Variants in RAD54L2 observed in about 807,000 individuals in gnomAD.
The protein encoded by RAD54L2 is RAD54 like 2.
A neutral mutation model predicts 138.4 loss-of-function variants in RAD54L2; 27 were observed. That is an observed-to-expected ratio of 0.20 (90% confidence interval 0.14 to 0.27). The LOEUF is 0.27. RAD54L2 is among the 10% of genes least tolerant of loss of function. RAD54L2 has a pLI of 1.00. For synonymous variants in RAD54L2, 644 were observed against 723.2 expected (o/e 0.89, Z 1.76); for missense variants, 1,396 against 1,890.2 (o/e 0.74, Z 4.85).
intron 2 of RAD54L2, among the ~76,000 whole-genome samples, chr3:51,551,841 CTCCTGG>C (rs1698846617): frequency 6.6e-6 from 1 of 150,904 alleles, no homozygotes. Flanking sequence ...CAACCTCCAT[CTCCTGG>C]GTTCAGACGA....
intron 19 of RAD54L2, among the ~76,000 whole-genome samples, chr3:51,653,496 G>T (rs1701505838): frequency 6.6e-6 from 1 of 152,148 alleles, no homozygotes; most frequent in Non-Finnish European, 1.5e-5. Context: ...GTTTATTGCG[G>T]CACTATTCAC....
intron 19 of RAD54L2, among the ~76,000 whole-genome samples, chr3:51,647,972 C>T (rs150822141): frequency 0.02 from 3,114 of 152,214 alleles, 36 homozygotes; most frequent in Middle Eastern, 0.048. Context: ...CCACAGAGGG[C>T]GAGCCGAAGC....
chr3:51,616,827 CAAAA>C (rs1203515814), intron 3 of RAD54L2, among the ~76,000 whole-genome samples: 3 of 151,538 alleles, frequency 2.0e-5, no homozygotes, highest in Non-Finnish European at 2.9e-5. Context: ...GACTCTGTCT[CAAAA>C]GAAAAGAAAA....
At position 51,554,108 on chromosome 3, in the gene RAD54L2, G is replaced by A. The variant is rs563808238; in HGVS notation, c.-55+12458G>A. ...AGACAACAGTGAAATTTGCTGCATC[G>A]ATCAACTTTTCCTATCACAAAAGAG... On this transcript the variant is annotated intron_variant, in intron 2 of 22. Transcript: ENST00000684192. 3.1e-4 allele frequency among the ~76,000 whole-genome samples: 47 copies of A among 152,190 alleles called. No individual in the cohort carries two copies. The East Asian group carries it at 4.2e-3, about 14-fold the overall frequency.
chr3:51,580,391 G>T (rs780057662), intron 2 of RAD54L2, among the ~76,000 whole-genome samples: 6 of 152,174 alleles, frequency 3.9e-5, no homozygotes, highest in Admixed American at 6.5e-5. Context: ...CTCCAACCTG[G>T]AAGTGCTCTA....
At chr3:51,556,012 C>T (rs923536907) in intron 2 of RAD54L2, among the ~76,000 whole-genome samples, 13 of 152,236 alleles carry the variant, frequency 8.5e-5, no homozygotes, top group African/African-American at 1.2e-4. Flanking sequence ...CAATCCAACC[C>T]GTTCCAATTG....
intron 6 of RAD54L2, 48 bp downstream of exon 6, chr3:51,630,436 C>A: frequency 2.0e-6 from 3 of 1,512,518 alleles, no homozygotes; most frequent in Non-Finnish European, 2.8e-6. Context: ...GGTGTTCATG[C>A]TGAGATCGGC....
intron 3 of RAD54L2, among the ~76,000 whole-genome samples, chr3:51,597,178 A>C (rs566914128): frequency 1.3e-5 from 2 of 151,192 alleles, no homozygotes; most frequent in African/African-American, 2.4e-5. Context: ...AAAAAAAAAA[A>C]AAAAAAAAAA....
At chr3:51,607,175 T>G (rs553467638) in intron 3 of RAD54L2, among the ~76,000 whole-genome samples, 3 of 151,764 alleles carry the variant, frequency 2.0e-5, no homozygotes, top group Admixed American at 1.3e-4. Context: ...GGCAGGGTCA[T>G]AGGACAATAG....
intron 3 of RAD54L2, among the ~76,000 whole-genome samples, chr3:51,594,030 C>T (rs1699899174): frequency 6.8e-6 from 1 of 147,690 alleles, no homozygotes. Flanking sequence ...TTTTGACACA[C>T]TTTATCATAC....
intron 3 of RAD54L2, among the ~76,000 whole-genome samples, chr3:51,607,680 G>A (rs969927769): frequency 2.0e-5 from 3 of 151,606 alleles, no homozygotes; most frequent in Non-Finnish European, 2.9e-5. Flanking sequence ...CAGACGGGGC[G>A]GCCGGGCAGA....
At chr3:51,550,012 G>A (rs565168342) in intron 2 of RAD54L2, among the ~76,000 whole-genome samples, 10 of 152,232 alleles carry the variant, frequency 6.6e-5, no homozygotes, top group Admixed American at 5.2e-4. Flanking sequence ...GTGCCCTGCC[G>A]GCTATGCTAG....
At chr3:51,561,489 C>T (rs1277362691) in intron 2 of RAD54L2, among the ~76,000 whole-genome samples, 1 of 152,214 alleles carries the variant, frequency 6.6e-6, no homozygotes, top group African/African-American at 2.4e-5. Flanking sequence ...AGGTGATCTG[C>T]CCGCCTCTGC....
In RAD54L2 at chr3:51,646,432, G is replaced by A. The variant is rs773741931; in HGVS notation, c.2977G>A (p.Ala993Thr). The change falls in exon 19 of 23, where the codon GCC becomes ACC. Residue 993 changes from alanine (A) to threonine (T), a missense_variant. This residue lies in a region of RAD54L2 where 634 missense variants were observed against 711.2 expected (regional missense o/e 0.89). Transcript: ENST00000684192. ...TRPSYAQYYPASDQSLTSIPA... is the reference protein window; with the variant it reads ...TRPSYAQYYPTSDQSLTSIPA... The stretch of plus-strand genomic sequence containing the variant: ...CCCATCGTATGCGCAGTATTACCCT[G>A]CCAGCGATCAGAGCCTGACCAGCAT... 1.7e-5 allele frequency: 28 copies of A among 1,613,260 alleles called. No homozygotes were observed. Among genetic ancestry groups the A allele is most frequent in the Non-Finnish European group, 3.4e-6 (4 of 1,179,624 alleles).
chr3:51,651,752 G>A (rs1701443717), intron 19 of RAD54L2, among the ~76,000 whole-genome samples: 1 of 152,104 alleles, frequency 6.6e-6, no homozygotes, highest in African/African-American at 2.4e-5. Flanking sequence ...CATGCTAAAA[G>A]CTCTCAGTAA....
chr3:51,583,522 C>T (rs1417605648), intron 2 of RAD54L2, among the ~76,000 whole-genome samples: 1 of 151,272 alleles, frequency 6.6e-6, no homozygotes, highest in Non-Finnish European at 1.5e-5. Context: ...CGGGTTCAAG[C>T]AATTATCCTG....
intron 2 of RAD54L2, among the ~76,000 whole-genome samples, chr3:51,580,983 G>A: frequency 6.6e-6 from 1 of 152,126 alleles, no homozygotes; most frequent in East Asian, 1.9e-4. Flanking sequence ...ACTTTTATTT[G>A]TACTAGATAC....
rs1335411249 is a variant in RAD54L2 at position 51,590,440 on chromosome 3, C to T, written c.20C>T (p.Ser7Leu). 1.3e-6 allele frequency: 2 copies of T among 1,546,088 alleles called. No individual in the cohort carries two copies. Among genetic ancestry groups the T allele is most frequent in the South Asian group, 1.2e-5 (1 of 83,334 alleles). MSDESASGSDPDLDPDV... is the reference protein window; with the variant it reads MSDESALGSDPDLDPDV... ...GGAGCCATGTCAGACGAATCTGCCT[C>T]AGGGAGCGATCCAGACCTGGACCCG... The change falls in exon 3 of 23, where the codon TCA (serine) becomes TTA (leucine). Residue 7 changes from serine to leucine, a missense_variant. This residue lies in a region of RAD54L2 where 256 missense variants were observed against 344.6 expected (regional missense o/e 0.74). Transcript: ENST00000684192.
At chr3:51,612,125 G>A (rs895188503) in intron 3 of RAD54L2, among the ~76,000 whole-genome samples, 2 of 152,178 alleles carry the variant, frequency 1.3e-5, no homozygotes, top group East Asian at 3.8e-4. Context: ...ATAACTGATG[G>A]AATAATGAAG....
Sources: allele counts gnomAD v4.1 joint callset (sites outside exome capture counted in the v4.1 genomes callset), GRCh38; gene constraint gnomAD v4.1.1; regional missense constraint gnomAD v4.1.1; transcripts MANE v1.5; gene names NCBI Gene and HGNC (gene_info 2026-07-23, HGNC 2026-07-21).